The following MRS2 variants were observed in gnomAD, a reference collection of about 807,000 sequenced individuals.
The protein encoded by MRS2 is magnesium transporter MRS2 homolog, mitochondrial.
In MRS2, 40 loss-of-function variants were observed where a neutral mutation model predicts 52.6. The ratio of observed to expected loss-of-function variants is 0.76; its 90% CI spans 0.59 to 0.99. The LOEUF (loss-of-function observed/expected upper bound fraction) is 0.99, where lower values mean the gene tolerates loss of function less well. Among genes scored for constraint, MRS2 ranks in the 50% least tolerant of loss-of-function variants. The pLI is 0.00. For synonymous variants in MRS2, 193 were observed against 195.9 expected (o/e 0.98, Z 0.13); for missense variants, 472 against 532.7 (o/e 0.89, Z 1.12).
At chr6:24,420,801 A>G (rs1011999019) in intron 9 of MRS2, among the ~76,000 whole-genome samples, 1 of 152,152 alleles carries the variant, frequency 6.6e-6, no homozygotes, top group Admixed American at 6.5e-5. Flanking sequence ...GAACGATCTG[A>G]GCTTGTTCAT....
chr6:24,422,918 G>C lies in MRS2; in HGVS notation c.1108-19G>C. ...GAACCTGGCGTTTTGCGATGGAAAT[G>C]AACTGTGTTCTCTTTTAGGACCATA... On this transcript the variant is annotated intron_variant, in intron 9 of 10. Transcript: ENST00000378386. 1.3e-6 allele frequency: 2 copies of C among 1,521,880 alleles called. No homozygotes were observed. Among genetic ancestry groups the C allele is most frequent in the Non-Finnish European group, 1.8e-6 (2 of 1,103,490 alleles). The allele number at this position is 1,521,880 out of a possible 1,614,324, so 94.3% of individuals were successfully genotyped here. A position where few individuals can be genotyped will look rare whatever the true frequency, so the allele number is the denominator to read the frequency against.
chr6:24,405,313 T>C, intron 2 of MRS2, 72 bp downstream of exon 2: 1 of 1,095,714 alleles, frequency 9.1e-7, no homozygotes, highest in Admixed American at 1.8e-5. Context: ...GTTGGACTGT[T>C]GGCCAAGATA....
At chr6:24,418,732 C>A (rs45448393) in intron 9 of MRS2, 154 bp downstream of exon 9, 78,947 of 555,610 alleles carry the variant, frequency 0.14, 6,398 homozygotes, top group Middle Eastern at 0.16. Context: ...AACCCTGTCT[C>A]TACTAAAAAT....
intron 9 of MRS2, among the ~76,000 whole-genome samples, chr6:24,421,121 AC>A (rs1436563151): frequency 6.6e-6 from 1 of 152,224 alleles, no homozygotes; most frequent in East Asian, 1.9e-4. Context: ...TTCTCTAAAT[AC>A]ATAATCATGT....
intron 9 of MRS2, among the ~76,000 whole-genome samples, chr6:24,420,919 G>T (rs1259439022): frequency 6.6e-6 from 1 of 152,166 alleles, no homozygotes; most frequent in African/African-American, 2.4e-5. Context: ...CGTGGTAGGG[G>T]TTTGGATTTC....
At position 24,424,759 on chromosome 6, in the gene MRS2, A is replaced by C. The variant is rs1762171526; in HGVS notation, c.*1065A>C. ...CTAGAGTGTCCAGCTCTTGCACTAC[A>C]AATGTAATAATAACAGAATAAATAC... On this transcript the variant is annotated 3_prime_UTR_variant, in exon 11 of 11. Coordinates refer to ENST00000378386, the MANE Select transcript of MRS2 (RefSeq NM_020662.4). 6.6e-6 allele frequency: 1 copy of C among 152,230 alleles called. No individual in the cohort carries two copies. The highest frequency in any genetic ancestry group is 2.4e-5 in the African/African-American group (1 of 41,446). The allele number at this position is 152,230 out of a possible 1,614,324, so 9.4% of individuals were successfully genotyped here. A position where few individuals can be genotyped will look rare whatever the true frequency, so the allele number is the denominator to read the frequency against.
chr6:24,408,490 G>A (rs756218932), intron 3 of MRS2, 46 bp downstream of exon 3: 1 of 1,251,736 alleles, frequency 8.0e-7, no homozygotes, highest in African/African-American at 1.5e-5. Context: ...TTTAATGAGT[G>A]AATCTGATAG....
intron 9 of MRS2, among the ~76,000 whole-genome samples, chr6:24,419,437 T>G (rs1761970313): frequency 6.6e-6 from 1 of 152,154 alleles, no homozygotes; most frequent in South Asian, 2.1e-4. Context: ...TGAAGCAGTG[T>G]TAATGAAGAG....
At chr6:24,422,499 TTA>T (rs1326447054) in intron 9 of MRS2, among the ~76,000 whole-genome samples, 2 of 152,180 alleles carry the variant, frequency 1.3e-5, no homozygotes, top group African/African-American at 4.8e-5. Context: ...AAAAAATTTA[TTA>T]TGTTACAGAT....
chr6:24,409,926 C>T (rs1343219384), intron 4 of MRS2, among the ~76,000 whole-genome samples: 1 of 152,124 alleles, frequency 6.6e-6, no homozygotes, highest in African/African-American at 2.4e-5. Context: ...TATAGTATAA[C>T]CTGAGCTACC....
At chr6:24,403,619 A>G (rs569268970) in intron 1 of MRS2, among the ~76,000 whole-genome samples, 2 of 152,258 alleles carry the variant, frequency 1.3e-5, no homozygotes, top group African/African-American at 2.4e-5. Context: ...GGGTCTTACT[A>G]TGTTGCCCAG....
intron 9 of MRS2, among the ~76,000 whole-genome samples, chr6:24,420,360 G>T (rs1222482720): frequency 6.6e-6 from 1 of 152,160 alleles, no homozygotes; most frequent in African/African-American, 2.4e-5. Flanking sequence ...CCTTAAATCT[G>T]CAATCCCTTG....
chr6:24,417,710 G>A (rs948599767), intron 7 of MRS2, among the ~76,000 whole-genome samples: 4 of 152,160 alleles, frequency 2.6e-5, no homozygotes, highest in Admixed American at 6.5e-5. Context: ...TTGGGAAGCC[G>A]AGGCAGGCAG....
intron 9 of MRS2, among the ~76,000 whole-genome samples, chr6:24,422,142 C>G (rs1266033544): frequency 2.7e-5 from 4 of 150,082 alleles, no homozygotes; most frequent in Non-Finnish European, 6.0e-5. Context: ...GAGCAAGACT[C>G]CATCTCAACA....
At chr6:24,405,903 A>C (rs1761456911) in intron 2 of MRS2, among the ~76,000 whole-genome samples, 2 of 151,292 alleles carry the variant, frequency 1.3e-5, no homozygotes, top group African/African-American at 4.9e-5. Context: ...CAGGAGATTG[A>C]GACCATCCTG....
At chr6:24,422,632 C>T (rs1045150451) in intron 9 of MRS2, among the ~76,000 whole-genome samples, 2 of 152,158 alleles carry the variant, frequency 1.3e-5, no homozygotes, top group East Asian at 1.9e-4. Flanking sequence ...CCTTAAATTG[C>T]GTGTCCTCTG....
intron 9 of MRS2, 30 bp downstream of exon 9, chr6:24,418,608 G>A: frequency 6.5e-7 from 1 of 1,530,436 alleles, no homozygotes; most frequent in Non-Finnish European, 9.0e-7. Context: ...TCTAAAACTT[G>A]GGGGTTTTGG....
At chr6:24,423,106 A>T in intron 10 of MRS2, 56 bp downstream of exon 10, 1 of 1,401,566 alleles carries the variant, frequency 7.1e-7, no homozygotes, top group Non-Finnish European at 1.0e-6. Flanking sequence ...CATGGGCCCT[A>T]AAGTCAGAGC....
chr6:24,422,801 T>C (rs1054607349), intron 9 of MRS2, 136 bp from the exon 10 acceptor site: 5 of 519,942 alleles, frequency 9.6e-6, no homozygotes, highest in Middle Eastern at 5.2e-4. Flanking sequence ...AAGGCCCTTG[T>C]TTTTCTTAGT....
Sources: gnomAD v4.1 joint callset for allele counts (sites outside exome capture counted in the v4.1 genomes callset) on GRCh38, gnomAD v4.1.1 for gene constraint, MANE v1.5 for transcripts, NCBI Gene and HGNC (gene_info 2026-07-23, HGNC 2026-07-21) for gene names.